Variants in ARMC8 observed in about 807,000 individuals in gnomAD.
ARMC8 encodes armadillo repeat-containing protein 8.
A neutral mutation model predicts 99.3 loss-of-function variants in ARMC8; 20 were observed. The observed-to-expected ratio is 0.20, with a 90% CI of 0.14 to 0.29. ARMC8 has a LOEUF of 0.29. ARMC8 is among the 10% of genes least tolerant of loss of function. The pLI, the probability that ARMC8 is intolerant of heterozygous loss-of-function variation, is 1.00. For missense variants in ARMC8, 569 were observed against 809.5 expected (o/e 0.70, Z 3.60); for synonymous variants, 263 against 278.3 (o/e 0.95, Z 0.55).
chr3:138,194,518 T>G (rs1216552238), intron 1 of ARMC8, among the ~76,000 whole-genome samples: 2 of 150,410 alleles, frequency 1.3e-5, no homozygotes, highest in African/African-American at 4.9e-5. Context: ...TTTTGTATTT[T>G]TAGTAGAGAA....
intron 15 of ARMC8, among the ~76,000 whole-genome samples, chr3:138,268,179 G>C (rs534458514): frequency 6.6e-6 from 1 of 152,234 alleles, no homozygotes; most frequent in South Asian, 2.1e-4. Flanking sequence ...GGAGGCAAAG[G>C]TTGCAGTGAG....
At chr3:138,269,971 G>A (rs2048637197) in intron 15 of ARMC8, 69 bp from the exon 16 acceptor site, 1 of 1,019,968 alleles carries the variant, frequency 9.8e-7, no homozygotes, top group African/African-American at 1.6e-5. Context: ...AAGTGCCAAG[G>A]TATATGCATG....
intron 12 of ARMC8, among the ~76,000 whole-genome samples, chr3:138,255,503 A>C (rs1040281280): frequency 6.6e-6 from 1 of 151,924 alleles, no homozygotes; most frequent in African/African-American, 2.4e-5. Flanking sequence ...CGCAGGGCCA[A>C]CATTTTTCTG....
At chr3:138,263,608 GT>G in intron 12 of ARMC8, 130 bp from the exon 13 acceptor site, 1 of 809,930 alleles carries the variant, frequency 1.2e-6, no homozygotes, top group Non-Finnish European at 2.1e-6. Context: ...CAAGATGATT[GT>G]TTGAGAGGTA....
At position 138,279,273 on chromosome 3, in the gene ARMC8, A is replaced by AT. The variant is rs569898312; in HGVS notation, c.1725+4737dup. ...TTTAAACCCCAAACATGAGCCATAG[A>AT]TTTTTTTTCAATCAATTACTTTCTT... On this transcript the variant is annotated intron_variant, in intron 18 of 21. Transcript: ENST00000469044. Among the ~76,000 whole-genome samples, 19 of 152,074 alleles carry AT rather than the reference A, an allele frequency of 1.2e-4. No individual in the cohort carries two copies. In the East Asian group the frequency reaches 2.1e-3, roughly 17 times the overall value.
In ARMC8 at chr3:138,209,800, T is replaced by C; in HGVS notation, c.46-17T>C. On this transcript the variant is annotated splice_polypyrimidine_tract_variant and intron_variant, in intron 1 of 21. Coordinates refer to ENST00000469044, the MANE Select transcript of ARMC8 (RefSeq NM_001363941.2). ...TGCATGGCTTCAGATGTCATAATTTTTCCCCCCACTTTCTAGGAAGTAACA... is the reference window on the plus strand; with the variant it reads ...TGCATGGCTTCAGATGTCATAATTTCTCCCCCCACTTTCTAGGAAGTAACA... 6.2e-7 allele frequency: 1 copy of C among 1,611,932 alleles called. No individual in the cohort carries two copies.
chr3:138,275,815 C>A (rs1039089733), intron 18 of ARMC8, among the ~76,000 whole-genome samples: 5 of 152,120 alleles, frequency 3.3e-5, no homozygotes, highest in Non-Finnish European at 1.5e-5. Flanking sequence ...GATTTTAAGA[C>A]AGATATTTTA....
chr3:138,244,503 C>T (rs1467554383), intron 11 of ARMC8, among the ~76,000 whole-genome samples: 1 of 152,160 alleles, frequency 6.6e-6, no homozygotes, highest in Non-Finnish European at 1.5e-5. Flanking sequence ...TGGTCTAGAT[C>T]TCCTGACCTC....
At chr3:138,209,629 A>C (rs981391030) in intron 1 of ARMC8, among the ~76,000 whole-genome samples, 188 bp from the exon 2 acceptor site, 3 of 152,160 alleles carry the variant, frequency 2.0e-5, no homozygotes, top group African/African-American at 7.2e-5. Context: ...CATTATTTTG[A>C]TACCTGAGAG....
At chr3:138,262,595 A>C in intron 12 of ARMC8, 1 of 1,561,030 alleles carries the variant, frequency 6.4e-7, no homozygotes, top group African/African-American at 1.4e-5. Context: ...ACCTGAGGAG[A>C]TTAAAAAAAA....
intron 9 of ARMC8, 24 bp from the exon 10 acceptor site, chr3:138,239,444 T>G: frequency 6.4e-7 from 1 of 1,567,956 alleles, no homozygotes; most frequent in Non-Finnish European, 8.6e-7. Context: ...AAGCAAAAAC[T>G]TATTTTCTGC....
intron 1 of ARMC8, among the ~76,000 whole-genome samples, chr3:138,208,183 G>A (rs2044489022): frequency 6.6e-6 from 1 of 151,846 alleles, no homozygotes; most frequent in Admixed American, 6.6e-5. Context: ...GAAAATATGT[G>A]TTGGCTGGGC....
chr3:138,235,303 C>T (rs964962230), intron 7 of ARMC8, among the ~76,000 whole-genome samples, 189 bp downstream of exon 7: 1 of 150,598 alleles, frequency 6.6e-6, no homozygotes, highest in African/African-American at 2.4e-5. Flanking sequence ...CCTTGCATCT[C>T]TTTTTTAGGA....
At position 138,187,608 on chromosome 3, in the gene ARMC8, C is replaced by G; in HGVS notation, c.45+9C>G. The G allele has an allele frequency of 6.5e-7, 1 of 1,535,520 alleles. No individual in the cohort carries two copies. Among genetic ancestry groups the G allele is most frequent in the Non-Finnish European group, 8.7e-7 (1 of 1,146,468 alleles). On this transcript the variant is annotated intron_variant, in intron 1 of 21. Coordinates refer to ENST00000469044, the MANE Select transcript of ARMC8 (RefSeq NM_001363941.2). ...GCATGAGCGTCCTTTCGGTGAGTGA[C>G]CCGCCGCGGCCGCCCGCCCGCCCTC...
chr3:138,282,418 C>T (rs750619134), intron 18 of ARMC8, among the ~76,000 whole-genome samples: 7 of 151,954 alleles, frequency 4.6e-5, no homozygotes, highest in East Asian at 3.9e-4. Context: ...GAGGCCAGGG[C>T]GGGTGGATCA....
intron 5 of ARMC8, among the ~76,000 whole-genome samples, chr3:138,224,167 C>T (rs2045560093): frequency 6.6e-6 from 1 of 151,858 alleles, no homozygotes; most frequent in African/African-American, 2.4e-5. Context: ...ACCATCTTGG[C>T]CAGGCTGGTC....
At chr3:138,230,501 G>T (rs899394094) in intron 6 of ARMC8, among the ~76,000 whole-genome samples, 1 of 151,876 alleles carries the variant, frequency 6.6e-6, no homozygotes, top group Admixed American at 6.6e-5. Flanking sequence ...AAATACAAAA[G>T]AATTAGCCAG....
intron 2 of ARMC8, among the ~76,000 whole-genome samples, chr3:138,215,304 C>T (rs993805116): frequency 3.9e-5 from 6 of 152,082 alleles, no homozygotes; most frequent in African/African-American, 1.2e-4. Context: ...GCAACCTCTG[C>T]CTCCCGGGTT....
At chr3:138,260,701 CTG>C (rs1396744853) in intron 12 of ARMC8, among the ~76,000 whole-genome samples, 5 of 152,212 alleles carry the variant, frequency 3.3e-5, no homozygotes, top group African/African-American at 4.8e-5. Context: ...CTACATCATT[CTG>C]GTTCTTTGGT....
Sources: allele counts gnomAD v4.1 joint callset (sites outside exome capture counted in the v4.1 genomes callset), GRCh38; gene constraint gnomAD v4.1.1; transcripts MANE v1.5; gene names NCBI Gene and HGNC (gene_info 2026-07-23, HGNC 2026-07-21).